Variants in ANK3 observed in about 807,000 individuals in gnomAD.
ANK3 encodes the protein ankyrin 3.
In ANK3, 57 loss-of-function variants were observed where a neutral mutation model predicts 370.9. The observed-to-expected ratio is 0.15, with a 90% CI of 0.12 to 0.19. The LOEUF is 0.19. Ranked by LOEUF, ANK3 falls within the 10% of genes least tolerant of loss-of-function variation. ANK3 has a pLI of 1.00. For synonymous variants in ANK3, 1,929 were observed against 1,946.3 expected (o/e 0.99, Z 0.23); for missense variants, 4,439 against 5,302.1 (o/e 0.84, Z 5.06).
intron 8 of ANK3, among the ~76,000 whole-genome samples, chr10:60,231,617 G>GCT (rs1322806540): frequency 1.3e-5 from 2 of 152,006 alleles, no homozygotes; most frequent in African/African-American, 4.8e-5. Flanking sequence ...ATTTTAGCCC[G>GCT]CTCCTTCCCT....
intron 1 of ANK3, among the ~76,000 whole-genome samples, chr10:60,668,790 G>A (rs551747155): frequency 9.9e-5 from 15 of 152,102 alleles, no homozygotes; most frequent in Non-Finnish European, 1.9e-4. Context: ...TCAGGAGTTC[G>A]AGACCAGCCT....
intron 23 of ANK3, among the ~76,000 whole-genome samples, chr10:60,142,072 A>T (rs908167980): frequency 6.6e-6 from 1 of 152,208 alleles, no homozygotes. Context: ...GCAAAGCGTT[A>T]TTCAAATACT....
intron 1 of ANK3, among the ~76,000 whole-genome samples, chr10:60,310,122 G>A (rs905068797): frequency 9.9e-5 from 15 of 151,716 alleles, no homozygotes; most frequent in Non-Finnish European, 1.5e-4. Flanking sequence ...ATGGGGTCTA[G>A]CTATGTTGCC....
chr10:60,517,736 C>T (rs1384895927), intron 2 of ANK3, among the ~76,000 whole-genome samples: 1 of 149,722 alleles, frequency 6.7e-6, no homozygotes, highest in Admixed American at 6.7e-5. Context: ...ATATAAGACA[C>T]TATTATTAAA....
intron 1 of ANK3, among the ~76,000 whole-genome samples, chr10:60,367,664 G>A (rs1038587927): frequency 6.6e-6 from 1 of 152,138 alleles, no homozygotes; most frequent in Non-Finnish European, 1.5e-5. Context: ...AGGCTGGTAG[G>A]GTGATAGAAG....
rs141531947 is a variant in ANK3 at position 60,604,781 on chromosome 10, T to A, written c.96+10405A>T. On this transcript the variant is annotated intron_variant, in intron 2 of 43. Transcript: ENST00000373827. ...TTCAATGAGTGGCCACCACCTATGCTCAGAGGAGATAACTCCCATATAGGA... is the reference window on the plus strand; with the variant it reads ...TTCAATGAGTGGCCACCACCTATGCACAGAGGAGATAACTCCCATATAGGA... Among the ~76,000 whole-genome samples the A allele has an allele frequency of 2.3e-4, 35 of 152,232 alleles. 1 individual carries two copies. The East Asian group carries it at 6.0e-3, about 26-fold the overall frequency.
chr10:60,105,422 C>T (rs763915688), intron 28 of ANK3, among the ~76,000 whole-genome samples: 2 of 151,954 alleles, frequency 1.3e-5, no homozygotes, highest in Non-Finnish European at 2.9e-5. Context: ...CCAATAATTA[C>T]CCTGAAACAT....
chr10:60,257,120 A>G (rs534403485), intron 7 of ANK3, among the ~76,000 whole-genome samples: 3 of 152,236 alleles, frequency 2.0e-5, no homozygotes, highest in African/African-American at 7.2e-5. Context: ...TAATCCTTTT[A>G]TTTTTCCACC....
At chr10:60,062,478 G>A (rs1405077434) in intron 40 of ANK3, 1 of 152,150 alleles carries the variant, frequency 6.6e-6, no homozygotes, top group Non-Finnish European at 1.5e-5. Flanking sequence ...CATGTATGCC[G>A]ACTGAATTAG....
At chr10:60,250,902 A>G (rs1035822328) in intron 7 of ANK3, among the ~76,000 whole-genome samples, 18 of 152,192 alleles carry the variant, frequency 1.2e-4, no homozygotes, top group African/African-American at 4.1e-4. Flanking sequence ...GCTGCTGTCA[A>G]TTCTGGTTTT....
At chr10:60,127,745 C>A (rs140986067) in intron 25 of ANK3, among the ~76,000 whole-genome samples, 1,730 of 144,020 alleles carry the variant, frequency 0.012, 35 homozygotes, top group African/African-American at 0.043. Context: ...GTCTCCCAGG[C>A]TGGAGTGCAG....
Position 60,150,842 on chromosome 10 carries a change from C to T in ANK3, c.2615-11755G>A, listed in dbSNP as rs2095075917. ...CCTGTAGAACCATGAGCCAAATAAACCTCATATATATATATAAATTATCCA... is the reference window on the plus strand; with the variant it reads ...CCTGTAGAACCATGAGCCAAATAAATCTCATATATATATATAAATTATCCA... On this transcript the variant is annotated intron_variant, in intron 23 of 43. Transcript: ENST00000280772. Among the ~76,000 whole-genome samples the T allele has an allele frequency of 2.0e-5, 3 of 152,170 alleles. No homozygotes were observed. In the South Asian group the frequency reaches 6.2e-4, roughly 32 times the overall value.
At chr10:60,228,714 G>C (rs948345995) in intron 8 of ANK3, among the ~76,000 whole-genome samples, 6 of 151,870 alleles carry the variant, frequency 4.0e-5, no homozygotes, top group African/African-American at 1.5e-4. Flanking sequence ...ACAGCTATAG[G>C]GTAATTTTGT....
chr10:60,224,378 A>G (rs1236577430), intron 8 of ANK3, among the ~76,000 whole-genome samples: 1 of 152,180 alleles, frequency 6.6e-6, no homozygotes, highest in African/African-American at 2.4e-5. Context: ...GAGGAGGGGA[A>G]CTGCACGTTA....
At chr10:60,638,347 C>T (rs1207932965) in intron 1 of ANK3, among the ~76,000 whole-genome samples, 1 of 152,118 alleles carries the variant, frequency 6.6e-6, no homozygotes, top group Non-Finnish European at 1.5e-5. Context: ...AGAACAAGCA[C>T]TACTCTGGAC....
chr10:60,066,547 G>GAGCC (rs2081667979), intron 38 of ANK3, among the ~76,000 whole-genome samples: 1 of 150,942 alleles, frequency 6.6e-6, no homozygotes, highest in South Asian at 2.1e-4. Flanking sequence ...GTATACCTGA[G>GAGCC]AGCAGAGACT....
intron 1 of ANK3, among the ~76,000 whole-genome samples, chr10:60,297,263 G>A (rs1253621929): frequency 6.6e-6 from 1 of 152,076 alleles, no homozygotes; most frequent in Non-Finnish European, 1.5e-5. Flanking sequence ...GAAAAAAATG[G>A]CATTCACTAC....
Position 60,733,243 on chromosome 10 carries a change from G to C in ANK3, c.57+20C>G, listed in dbSNP as rs1034734280. The C allele has an allele frequency of 3.4e-5, 42 of 1,240,812 alleles. No homozygotes were observed. The East Asian group carries it at 6.9e-4, about 20-fold the overall frequency. 76.9% of individuals were successfully genotyped at this position (1,240,812 alleles called of 1,614,324 possible). A position where few individuals can be genotyped will look rare whatever the true frequency, so the allele number is the denominator to read the frequency against. On this transcript the variant is annotated intron_variant, in intron 1 of 43. Transcript: ENST00000373827. ...CCTGGGTGAAGGCAGCCGCAGGTAG[G>C]GGGGCGGCGCGGCGCTCACCTGGGC...
intron 1 of ANK3, among the ~76,000 whole-genome samples, chr10:60,290,953 G>A (rs906176898): frequency 2.0e-5 from 3 of 152,148 alleles, no homozygotes; most frequent in African/African-American, 7.2e-5. Flanking sequence ...CCCTCATCCA[G>A]TCTGTCCACT....
Sources: gnomAD v4.1 joint callset for allele counts (sites outside exome capture counted in the v4.1 genomes callset) on GRCh38, gnomAD v4.1.1 for gene constraint, MANE v1.5 for transcripts, NCBI Gene and HGNC (gene_info 2026-07-23, HGNC 2026-07-21) for gene names.